Variants in PCSK5 observed in about 807,000 individuals in gnomAD.
PCSK5 encodes prohormone convertase 5.
Under a neutral mutation model 233.2 loss-of-function variants are expected in PCSK5, and 129 were observed. The observed-to-expected ratio is 0.55, with a 90% CI of 0.48 to 0.64. PCSK5 has a LOEUF of 0.64. Ranked by LOEUF, PCSK5 falls within the 30% of genes least tolerant of loss-of-function variation. The pLI, the probability that PCSK5 is intolerant of heterozygous loss-of-function variation, is 0.00. For missense variants in PCSK5, 2,076 were observed against 2,430.1 expected (o/e 0.85, Z 3.06); for synonymous variants, 825 against 879.2 (o/e 0.94, Z 1.09).
At chr9:76,077,358 T>C (rs1830678402) in intron 7 of PCSK5, among the ~76,000 whole-genome samples, 1 of 152,214 alleles carries the variant, frequency 6.6e-6, no homozygotes, top group African/African-American at 2.4e-5. Flanking sequence ...TCAATATCCA[T>C]TTGTACTGTT....
At chr9:75,960,692 C>A (rs1825312366) in intron 2 of PCSK5, among the ~76,000 whole-genome samples, 1 of 152,336 alleles carries the variant, frequency 6.6e-6, no homozygotes, top group South Asian at 2.1e-4. Context: ...CAGAGATGAG[C>A]ATCGGCTCTC....
chr9:76,054,176 G>T (rs902842724), intron 5 of PCSK5, among the ~76,000 whole-genome samples: 1 of 152,108 alleles, frequency 6.6e-6, no homozygotes, highest in African/African-American at 2.4e-5. Flanking sequence ...CCTCCCAACT[G>T]GTCCCTCCGA....
intron 3 of PCSK5, among the ~76,000 whole-genome samples, chr9:75,992,133 A>AC (rs1447089717): frequency 3.9e-5 from 6 of 152,164 alleles, no homozygotes; most frequent in Non-Finnish European, 5.9e-5. Flanking sequence ...CTGTCCACCT[A>AC]CCCCCAAACT....
At chr9:75,982,514 T>C (rs1587456095) in intron 2 of PCSK5, among the ~76,000 whole-genome samples, 1 of 152,308 alleles carries the variant, frequency 6.6e-6, no homozygotes, top group African/African-American at 2.4e-5. Flanking sequence ...AAGTGATATC[T>C]CAGTTTGGTT....
chr9:76,178,032 C>T (rs1337008694), intron 14 of PCSK5, among the ~76,000 whole-genome samples: 1 of 151,794 alleles, frequency 6.6e-6, no homozygotes, highest in East Asian at 1.9e-4. Context: ...CTGCAATTTT[C>T]ACCTTCATTT....
intron 14 of PCSK5, 157 bp downstream of exon 14, chr9:76,175,286 C>CAAATCGAATA: frequency 1.8e-6 from 1 of 540,668 alleles, no homozygotes. Flanking sequence ...CGAATCGAAT[C>CAAATCGAATA]GAATCGAATA....
At chr9:76,118,540 A>G (rs754066027) in intron 9 of PCSK5, among the ~76,000 whole-genome samples, 1 of 152,050 alleles carries the variant, frequency 6.6e-6, no homozygotes, top group Non-Finnish European at 1.5e-5. Flanking sequence ...TTCATTTGCC[A>G]CTAGTATCTT....
chr9:76,159,473 C>A (rs1260094752), intron 12 of PCSK5, among the ~76,000 whole-genome samples: 1 of 152,224 alleles, frequency 6.6e-6, no homozygotes, highest in African/African-American at 2.4e-5. Flanking sequence ...CTGATATCCC[C>A]TCCCCCACCA....
At chr9:76,003,078 AT>A (rs1827328035) in intron 3 of PCSK5, among the ~76,000 whole-genome samples, 1 of 152,142 alleles carries the variant, frequency 6.6e-6, no homozygotes, top group African/African-American at 2.4e-5. Flanking sequence ...GGACAAAGTG[AT>A]TTAGAGGGAG....
At chr9:76,174,167 G>C (rs1421054382) in intron 13 of PCSK5, among the ~76,000 whole-genome samples, 2 of 152,044 alleles carry the variant, frequency 1.3e-5, no homozygotes, top group Non-Finnish European at 2.9e-5. Context: ...ATGTTTAATG[G>C]CTATCACATT....
intron 21 of PCSK5, among the ~76,000 whole-genome samples, chr9:76,230,165 G>A (rs533896279): frequency 1.1e-4 from 17 of 152,304 alleles, no homozygotes; most frequent in African/African-American, 3.4e-4. Context: ...TATTTTGGGG[G>A]GAGGTTGGAG....
At chr9:75,891,411 A>C (rs768326148) in intron 1 of PCSK5, 38 bp downstream of exon 1, 1 of 1,494,900 alleles carries the variant, frequency 6.7e-7, no homozygotes. Context: ...TCGGCCCTGA[A>C]GCCACTGGGG....
chr9:76,116,553 G>GCCTTATC (rs1832432615), intron 9 of PCSK5, among the ~76,000 whole-genome samples: 1 of 152,104 alleles, frequency 6.6e-6, no homozygotes. Context: ...TCCCCCTTGA[G>GCCTTATC]TGTGGAGATG....
chr9:76,194,705 G>A (rs982891174), intron 20 of PCSK5: 4 of 457,816 alleles, frequency 8.7e-6, no homozygotes, highest in South Asian at 3.2e-5. Flanking sequence ...TGGATTAGTG[G>A]CCAGAAACGA....
At chr9:76,300,079 T>G (rs1433135536) in intron 27 of PCSK5, among the ~76,000 whole-genome samples, 1 of 152,186 alleles carries the variant, frequency 6.6e-6, no homozygotes, top group Non-Finnish European at 1.5e-5. Flanking sequence ...ATCCTAACAA[T>G]TTATCACTAG....
chr9:76,189,724 A>C lies in PCSK5; in HGVS notation c.2604A>C (p.Gln868His), dbSNP rs369082084. 5.0e-5 allele frequency: 80 copies of C among 1,602,848 alleles called. No individual in the cohort carries two copies. The highest frequency in any genetic ancestry group is 6.7e-5 in the Non-Finnish European group (78 of 1,170,030). ...SGYLLDLGMCQMGAICKDGEY... is the reference protein window; with the variant it reads ...SGYLLDLGMCHMGAICKDGEY... ...ATCTCTTAGACTTAGGAATGTGTCA[A>C]ATGGGAGCCATTTGCAAGGATGGTG... Residue 868 changes from glutamine (Q) to histidine (H), a missense_variant, in exon 20 of 38, where the codon CAA becomes CAC. By Grantham distance (24) the Gln-to-His change is conservative (BLOSUM62 0). This residue lies in a region of PCSK5 where 1,510 missense variants were observed against 1,538.1 expected (regional missense o/e 0.98). Coordinates refer to ENST00000674117, the MANE Select transcript of PCSK5 (RefSeq NM_001372043.1).
intron 24 of PCSK5, among the ~76,000 whole-genome samples, chr9:76,254,867 G>C (rs916083810): frequency 6.6e-6 from 1 of 152,212 alleles, no homozygotes; most frequent in African/African-American, 2.4e-5. Flanking sequence ...AATGCGATAG[G>C]CCAGAAGTTC....
chr9:76,238,942 C>T lies in PCSK5; in HGVS notation c.2867-17C>T, dbSNP rs1826340019. ...TTGTACATTTTCCCTCTTTTCGTTG[C>T]CCCTGTAACTGATCAGACAACTATG... is the stretch of plus-strand genomic sequence containing the variant. On this transcript the variant is annotated splice_polypyrimidine_tract_variant and intron_variant, in intron 22 of 37. Coordinates refer to ENST00000674117, the MANE Select transcript of PCSK5 (RefSeq NM_001372043.1). 5 of 1,581,930 alleles carry T rather than the reference C, an allele frequency of 3.2e-6. No homozygotes were observed. The highest frequency in any genetic ancestry group is 4.3e-6 in the Non-Finnish European group (5 of 1,153,130).
At position 75,954,315 on chromosome 9, in the gene PCSK5, C is replaced by G. The variant is rs577082646; in HGVS notation, c.297+21832C>G. ...CACTCAAATCACATCAATACTCTGTCTTTGTGTTTGTAAACCTTCGTGGTG... is the reference window on the plus strand; with the variant it reads ...CACTCAAATCACATCAATACTCTGTGTTTGTGTTTGTAAACCTTCGTGGTG... On this transcript the variant is annotated intron_variant, in intron 2 of 37. Coordinates refer to ENST00000674117, the MANE Select transcript of PCSK5 (RefSeq NM_001372043.1). Among the ~76,000 whole-genome samples, 3 of 152,246 alleles carry G rather than the reference C, an allele frequency of 2.0e-5. No individual in the cohort carries two copies. In the East Asian group the frequency reaches 5.8e-4, roughly 29 times the overall value.
Sources: allele counts gnomAD v4.1 joint callset (sites outside exome capture counted in the v4.1 genomes callset), GRCh38; gene constraint gnomAD v4.1.1; regional missense constraint gnomAD v4.1.1; transcripts MANE v1.5; gene names NCBI Gene and HGNC (gene_info 2026-07-23, HGNC 2026-07-21).